UBR3: variants seen among roughly 807,000 people sequenced by gnomAD.
UBR3 encodes the protein E3 ubiquitin-protein ligase UBR3.
A neutral mutation model predicts 243.2 loss-of-function variants in UBR3; 85 were observed. The observed-to-expected ratio is 0.35, with a 90% CI of 0.29 to 0.42. The LOEUF (loss-of-function observed/expected upper bound fraction) is 0.42, where lower values mean the gene tolerates loss of function less well. Among genes scored for constraint, UBR3 ranks in the 10% least tolerant of loss-of-function variants. UBR3 has a pLI of 1.00. For synonymous variants in UBR3, 748 were observed against 799.8 expected, an observed-to-expected ratio of 0.94 and a Z score of 1.09; for missense variants, 1,686 against 2,300.8, an observed-to-expected ratio of 0.73 and a Z score of 5.47.
intron 1 of UBR3, among the ~76,000 whole-genome samples, chr2:169,871,293 A>G (rs545531729): frequency 6.6e-6 from 1 of 152,214 alleles, no homozygotes; most frequent in African/African-American, 2.4e-5. Context: ...CTCTACAAAA[A>G]GTAAAAATAA....
In UBR3 at chr2:169,853,039, A is replaced by T. The variant is rs548469690; in HGVS notation, c.546-19197A>T. Among the ~76,000 whole-genome samples the T allele has an allele frequency of 3.9e-5, 6 of 152,322 alleles. No homozygotes were observed. In the South Asian group the frequency reaches 1.2e-3, roughly 32 times the overall value. ...TCATTCAAACCAAAACAATGAATGA[A>T]TGTAAATTTTTTAATAGCTGTGTTT... On this transcript the variant is annotated intron_variant, in intron 1 of 38. Coordinates refer to ENST00000272793, the MANE Select transcript of UBR3 (RefSeq NM_172070.4).
intron 19 of UBR3, among the ~76,000 whole-genome samples, chr2:169,933,901 C>T (rs1226147390): frequency 4.6e-5 from 7 of 152,276 alleles, no homozygotes; most frequent in African/African-American, 1.7e-4. Flanking sequence ...ACAACAACAA[C>T]AACAACCCAG....
chr2:169,891,905 C>T (rs191761230), intron 6 of UBR3, among the ~76,000 whole-genome samples: 1 of 152,272 alleles, frequency 6.6e-6, no homozygotes, highest in East Asian at 1.9e-4. Flanking sequence ...TTCTAGAATA[C>T]TTGCGATTAG....
At chr2:169,919,447 C>A (rs1330347932) in intron 11 of UBR3, among the ~76,000 whole-genome samples, 1 of 152,016 alleles carries the variant, frequency 6.6e-6, no homozygotes, top group Non-Finnish European at 1.5e-5. Context: ...GCAACAAAAG[C>A]CAAAATTGAC....
At chr2:169,865,948 G>A (rs1269041834) in intron 1 of UBR3, among the ~76,000 whole-genome samples, 7 of 151,874 alleles carry the variant, frequency 4.6e-5, no homozygotes, top group Non-Finnish European at 7.4e-5. Context: ...TCAGGAGTTC[G>A]GGACCAACCT....
In UBR3 at chr2:169,983,251, CCTT is replaced by C. The variant is rs1443640562; in HGVS notation, c.3635-3393_3635-3391del. On this transcript the variant is annotated intron_variant, in intron 24 of 38. Transcript: ENST00000272793. The stretch of plus-strand genomic sequence containing the variant: ...TTGTTGTTTTTGCCACATTCTCTCT[CCTT>C]TTTTTTTTTTTTTTTTTTTTGAGAT... Among the ~76,000 whole-genome samples the C allele has an allele frequency of 1.3e-4, 15 of 115,480 alleles. No homozygotes were observed. The East Asian group carries it at 3.3e-3, about 25-fold the overall frequency. The allele number at this position is 115,480 out of a possible 152,430, so 75.8% of individuals were successfully genotyped here. A position where few individuals can be genotyped will look rare whatever the true frequency, so the allele number is the denominator to read the frequency against.
At chr2:170,066,188 G>T (rs1193983096) in intron 35 of UBR3, among the ~76,000 whole-genome samples, 1 of 152,166 alleles carries the variant, frequency 6.6e-6, no homozygotes, top group African/African-American at 2.4e-5. Context: ...AAATAATCAA[G>T]AATGGTAACT....
chr2:170,036,016 T>G (rs2090821740), intron 31 of UBR3, among the ~76,000 whole-genome samples: 1 of 151,934 alleles, frequency 6.6e-6, no homozygotes, highest in Admixed American at 6.6e-5. Flanking sequence ...ATTAATCTTG[T>G]GTCCTGTAGC....
At chr2:170,032,580 CTTTTTTTTTTTTTTTTT>C (rs6147023) in intron 31 of UBR3, among the ~76,000 whole-genome samples, 1 of 20,478 alleles carries the variant, frequency 4.9e-5, no homozygotes, top group Non-Finnish European at 8.4e-5. Flanking sequence ...ATGACATTCA[CTTTTTTTTTTTTTTTTT>C]TTTTTTTTTT....
intron 1 of UBR3, among the ~76,000 whole-genome samples, chr2:169,842,295 G>C (rs973473717): frequency 6.6e-6 from 1 of 152,146 alleles, no homozygotes; most frequent in Non-Finnish European, 1.5e-5. Flanking sequence ...CTAATCTGAT[G>C]GGGACGTGGA....
intron 11 of UBR3, among the ~76,000 whole-genome samples, chr2:169,921,317 G>C (rs1216550911): frequency 6.6e-6 from 1 of 152,152 alleles, no homozygotes; most frequent in Non-Finnish European, 1.5e-5. Flanking sequence ...GAACTCATCT[G>C]GGTAGAGTTA....
intron 6 of UBR3, among the ~76,000 whole-genome samples, chr2:169,893,419 G>C (rs2084450141): frequency 6.6e-6 from 1 of 152,178 alleles, no homozygotes; most frequent in Non-Finnish European, 1.5e-5. Flanking sequence ...AATAGTACTA[G>C]TTTTATTCAG....
chr2:170,080,352 C>A, intron 37 of UBR3, 193 bp from the exon 38 acceptor site: 1 of 678,374 alleles, frequency 1.5e-6, no homozygotes. Context: ...AATTGCTTTA[C>A]TAGATATTCC....
In UBR3 at chr2:170,073,579, T is replaced by A. The variant is rs1433959229; in HGVS notation, c.5171T>A (p.Phe1724Tyr). 1 of 1,613,248 alleles carries A rather than the reference T, an allele frequency of 6.2e-7. No homozygotes were observed. The highest frequency in any genetic ancestry group is 1.7e-5 in the Admixed American group (1 of 59,926). The change falls in exon 36 of 39, where the codon TTT becomes TAT. Residue 1724 changes from phenylalanine to tyrosine, a missense_variant. Coordinates refer to ENST00000272793, the MANE Select transcript of UBR3 (RefSeq NM_172070.4). ...ITQWCFEIKS[F>Y]TERHAEQGKA... The stretch of plus-strand genomic sequence containing the variant: ...CAGTGGTGTTTTGAGATAAAATCAT[T>A]TACTGAAAGACATGCAGAACAAGGA...
chr2:169,994,333 G>A lies in UBR3; in HGVS notation c.3795G>A (p.Gln1265=). Residue 1265 remains glutamine (Q), a synonymous_variant, in exon 26 of 39, where the codon CAG becomes CAA. Transcript: ENST00000272793. Reference sequence around the variant, plus strand: ...TATCTGTTAATGTAGTTTTGGGGCAGTGCCGTGACAATGTTGAGCCAAAAA... The same window carrying A: ...TATCTGTTAATGTAGTTTTGGGGCAATGCCGTGACAATGTTGAGCCAAAAA... The part of the protein sequence containing the change: ...VLLQASSVLG[Q]CRDNVEPKKL... The A allele has an allele frequency of 6.2e-7, 1 of 1,614,062 alleles. No individual in the cohort carries two copies. Among genetic ancestry groups the A allele is most frequent in the South Asian group, 1.1e-5 (1 of 91,080 alleles).
intron 24 of UBR3, among the ~76,000 whole-genome samples, chr2:169,959,274 A>G (rs1214519858): frequency 6.6e-6 from 1 of 152,172 alleles, no homozygotes; most frequent in Non-Finnish European, 1.5e-5. Context: ...GTTCAGATTT[A>G]GCCTAATGGG....
intron 11 of UBR3, among the ~76,000 whole-genome samples, chr2:169,919,340 G>A (rs952740914): frequency 2.0e-4 from 31 of 152,290 alleles, no homozygotes; most frequent in South Asian, 8.3e-4. Context: ...TAGGAGATAT[G>A]TTAGTCAAGG....
At chr2:170,075,965 A>G (rs2091800005) in intron 36 of UBR3, among the ~76,000 whole-genome samples, 2 of 151,910 alleles carry the variant, frequency 1.3e-5, no homozygotes, top group South Asian at 4.1e-4. Flanking sequence ...AACCTGCAGA[A>G]TTGAAGAGCT....
At chr2:170,080,768 C>G in intron 38 of UBR3, 84 bp downstream of exon 38, 1 of 1,407,198 alleles carries the variant, frequency 7.1e-7, no homozygotes, top group South Asian at 1.6e-5. Context: ...TTTGTAATTA[C>G]AATTTTTTTA....
Sources: gnomAD v4.1 joint callset for allele counts (sites outside exome capture counted in the v4.1 genomes callset) on GRCh38, gnomAD v4.1.1 for gene constraint, MANE v1.5 for transcripts, NCBI Gene and HGNC (gene_info 2026-07-23, HGNC 2026-07-21) for gene names.